ASIC2: variants seen among roughly 807,000 people sequenced by gnomAD.
ASIC2 encodes the protein acid-sensing ion channel 2.
Under a neutral mutation model 57.3 loss-of-function variants are expected in ASIC2, and 25 were observed. The observed-to-expected ratio is 0.44, with a 90% confidence interval of 0.32 to 0.61. The LOEUF (loss-of-function observed/expected upper bound fraction) is 0.61. Among genes scored for constraint, ASIC2 ranks in the 20% least tolerant of loss-of-function variants. The pLI is 0.06. For synonymous variants in ASIC2, 319 were observed against 307.5 expected (o/e 1.04, Z -0.39); for missense variants, 641 against 738.1 (o/e 0.87, Z 1.52).
intron 1 of ASIC2, among the ~76,000 whole-genome samples, chr17:33,824,309 C>T (rs1467924717): frequency 6.6e-6 from 1 of 152,114 alleles, no homozygotes; most frequent in Non-Finnish European, 1.5e-5. Flanking sequence ...CTGAAAGATA[C>T]ATTGTGAAGA....
At chr17:34,076,685 C>G (rs1467031364) in intron 1 of ASIC2, among the ~76,000 whole-genome samples, 1 of 152,130 alleles carries the variant, frequency 6.6e-6, no homozygotes, top group East Asian at 1.9e-4. Context: ...TTCCACTGTC[C>G]TGAAACTCAT....
At chr17:33,141,372 A>T (rs1236683022) in intron 1 of ASIC2, among the ~76,000 whole-genome samples, 1 of 152,218 alleles carries the variant, frequency 6.6e-6, no homozygotes, top group African/African-American at 2.4e-5. Flanking sequence ...TTAAATAAAG[A>T]TAGTTAAAAT....
At chr17:33,901,650 A>G (rs1236162563) in intron 1 of ASIC2, among the ~76,000 whole-genome samples, 1 of 152,206 alleles carries the variant, frequency 6.6e-6, no homozygotes, top group African/African-American at 2.4e-5. Context: ...TTATGAAATG[A>G]GGGGTCTGAA....
chr17:33,907,120 C>T (rs2141956873), intron 1 of ASIC2, among the ~76,000 whole-genome samples: 1 of 152,210 alleles, frequency 6.6e-6, no homozygotes, highest in South Asian at 2.1e-4. Flanking sequence ...AGGATCTCAA[C>T]CCAATAGGCC....
intron 1 of ASIC2, among the ~76,000 whole-genome samples, chr17:33,747,033 G>A (rs776631388): frequency 2.2e-4 from 33 of 152,126 alleles, no homozygotes; most frequent in Non-Finnish European, 2.8e-4. Context: ...TGACAACGAT[G>A]TTCTCCTCTG....
chr17:33,172,135 C>T (rs189596608), intron 1 of ASIC2, among the ~76,000 whole-genome samples: 28 of 152,298 alleles, frequency 1.8e-4, no homozygotes, highest in Admixed American at 1.7e-3. Flanking sequence ...GCATCATGCC[C>T]CCTGATAGTA....
intron 1 of ASIC2, among the ~76,000 whole-genome samples, chr17:33,495,755 G>A (rs570577613): frequency 1.4e-4 from 22 of 152,174 alleles, no homozygotes; most frequent in Non-Finnish European, 2.9e-4. Context: ...GAACTGTGGG[G>A]AGGCCTGCCA....
chr17:33,260,758 G>A (rs1292551185), intron 1 of ASIC2, among the ~76,000 whole-genome samples: 5 of 152,132 alleles, frequency 3.3e-5, no homozygotes, highest in Admixed American at 1.3e-4. Flanking sequence ...GACAGCCCCC[G>A]TCCCTTCCCA....
intron 1 of ASIC2, among the ~76,000 whole-genome samples, chr17:34,053,903 C>T (rs1403653289): frequency 6.6e-6 from 1 of 152,218 alleles, no homozygotes; most frequent in African/African-American, 2.4e-5. Context: ...CCAGAGTCTT[C>T]CTTTCTCAGT....
At position 33,741,709 on chromosome 17, in the gene ASIC2, A is replaced by C. The variant is rs532146693; in HGVS notation, c.555+414269T>G. On this transcript the variant is annotated intron_variant, in intron 1 of 9. Transcript: ENST00000359872. The stretch of plus-strand genomic sequence containing the variant: ...TAATGCTGACAGTGACAGACAATGC[A>C]GTTTTCTCCTGCTCTACTCAGACAT... Among the ~76,000 whole-genome samples the C allele has an allele frequency of 9.2e-5, 14 of 152,322 alleles. No homozygotes were observed. In the South Asian group the frequency reaches 2.5e-3, roughly 27 times the overall value.
chr17:33,202,431 ATGGGAAGC>A (rs1906904268), intron 1 of ASIC2, among the ~76,000 whole-genome samples: 2 of 152,158 alleles, frequency 1.3e-5, no homozygotes, highest in Middle Eastern at 6.4e-3. Context: ...TAAGTGTGAG[ATGGGAAGC>A]AGTGTGTGTA....
At chr17:34,096,296 G>A (rs1910544619) in intron 1 of ASIC2, among the ~76,000 whole-genome samples, 1 of 152,170 alleles carries the variant, frequency 6.6e-6, no homozygotes, top group Non-Finnish European at 1.5e-5. Context: ...GAGGAGAAAG[G>A]ACATCAGGTA....
intron 1 of ASIC2, among the ~76,000 whole-genome samples, chr17:33,701,781 C>T (rs1234720954): frequency 2.0e-5 from 3 of 152,176 alleles, no homozygotes; most frequent in Admixed American, 6.5e-5. Flanking sequence ...AGAAAGCCTT[C>T]GGATTAAGAT....
At chr17:33,610,089 G>C (rs866845375) in intron 1 of ASIC2, among the ~76,000 whole-genome samples, 13 of 119,744 alleles carry the variant, frequency 1.1e-4, no homozygotes, top group South Asian at 2.8e-4. Flanking sequence ...CACACACACA[G>C]ATATATGCAC....
At chr17:33,265,669 T>C (rs1909431539) in intron 1 of ASIC2, among the ~76,000 whole-genome samples, 1 of 152,048 alleles carries the variant, frequency 6.6e-6, no homozygotes, top group Non-Finnish European at 1.5e-5. Flanking sequence ...TAAAATAAAA[T>C]AAAATTAAAT....
intron 1 of ASIC2, among the ~76,000 whole-genome samples, chr17:33,213,145 C>A (rs1907342274): frequency 6.6e-6 from 1 of 152,216 alleles, no homozygotes; most frequent in Non-Finnish European, 1.5e-5. Flanking sequence ...TTGTGTTGGC[C>A]TCTCAAAGCT....
chr17:33,795,284 G>T (rs1472084636), intron 1 of ASIC2, among the ~76,000 whole-genome samples: 1 of 152,162 alleles, frequency 6.6e-6, no homozygotes, highest in Non-Finnish European at 1.5e-5. Context: ...GGGTCCAAAG[G>T]CCCAGCCCTT....
chr17:34,141,082 T>C (rs1912259387), intron 1 of ASIC2, among the ~76,000 whole-genome samples: 1 of 152,054 alleles, frequency 6.6e-6, no homozygotes, highest in Admixed American at 6.6e-5. Flanking sequence ...CAAAAAATCA[T>C]ATCTGGTGTC....
intron 1 of ASIC2, chr17:34,120,044 A>ATTGCAGT (rs1220119449): frequency 6.6e-6 from 1 of 152,114 alleles, no homozygotes; most frequent in African/African-American, 2.4e-5. Context: ...CCTCAAAGCA[A>ATTGCAGT]TTGCAGTTTT....
Sources: allele counts gnomAD v4.1 joint callset (sites outside exome capture counted in the v4.1 genomes callset), GRCh38; gene constraint gnomAD v4.1.1; transcripts MANE v1.5; gene names NCBI Gene and HGNC (gene_info 2026-07-23, HGNC 2026-07-21).